RHBDD3: variants seen among roughly 807,000 people sequenced by gnomAD.
The protein encoded by RHBDD3 is rhomboid domain-containing protein 3.
In RHBDD3, 34 loss-of-function variants were observed where a neutral mutation model predicts 32.3. That is an observed-to-expected ratio of 1.05 (90% CI 0.80 to 1.40). The LOEUF (loss-of-function observed/expected upper bound fraction) is 1.40. RHBDD3 is among the 40% of genes most tolerant of loss of function. RHBDD3 has a pLI of 0.00. For synonymous variants in RHBDD3, 249 were observed against 239.1 expected, an observed-to-expected ratio of 1.04 and a Z score of -0.38; for missense variants, 482 against 492.6, an observed-to-expected ratio of 0.98 and a Z score of 0.20.
rs769281388 is a variant in RHBDD3, at chr22:29,265,594, G to C, written c.33C>G (p.Ser11=). 1.9e-6 allele frequency: 3 copies of C among 1,592,050 alleles called. No homozygotes were observed. Among genetic ancestry groups the C allele is most frequent in the South Asian group, 2.3e-5 (2 of 88,098 alleles). Residue 11 remains serine, a synonymous_variant, in exon 3 of 7, where the codon TCC becomes TCG. Transcript: ENST00000216085. The part of the protein sequence containing the change: MHARGPHGQL[S]PALPLASSVL... ...CTGAGGAGGCCAGAGGCAGTGCTGG[G>C]GACAGTTGGCCATGGGGGCCCCTGG... is the stretch of plus-strand genomic sequence containing the variant.
rs749277218 is a variant in RHBDD3 at position 29,260,553 on chromosome 22, G to C, written c.756C>G (p.Asp252Glu). Residue 252 changes from aspartate to glutamate, a missense_variant, in exon 6 of 7, where the codon GAC becomes GAG. By Grantham distance (45) the Asp-to-Glu change is conservative (BLOSUM62 2). Coordinates refer to ENST00000216085, the MANE Select transcript of RHBDD3 (RefSeq NM_012265.3). ...ASPDLWSHWE[D>E]SALPPPSLRP... is the part of the protein sequence containing the mutation. ...TCAGGCTTGGTGGGGGCAGGGCTGA[G>C]TCTTCCCAGTGGGACCAGAGGTCAG... 1 of 1,599,346 alleles carries C rather than the reference G, an allele frequency of 6.3e-7. No individual in the cohort carries two copies. Among genetic ancestry groups the C allele is most frequent in the South Asian group, 1.1e-5 (1 of 88,868 alleles).
chr22:29,264,565 C>G, intron 3 of RHBDD3: 3 of 978,574 alleles, frequency 3.1e-6, no homozygotes, highest in South Asian at 4.7e-5. Context: ...CATGAAATGG[C>G]CTGCTTCAAT....
Position 29,259,918 on chromosome 22 carries a change from T to G in RHBDD3, c.*142A>C. The G allele has an allele frequency of 3.8e-6, 3 of 785,766 alleles. No homozygotes were observed. Among genetic ancestry groups the G allele is most frequent in the Non-Finnish European group, 5.9e-6 (3 of 505,774 alleles). The allele number at this position is 785,766 out of a possible 1,614,324, so 48.7% of individuals were successfully genotyped here. A position where few individuals can be genotyped will look rare whatever the true frequency, so the allele number is the denominator to read the frequency against. The stretch of plus-strand genomic sequence containing the variant: ...ATTCTAAACACGTACTAGGGCAGCA[T>G]GCTGGGGGGCCTCTCCTGCCTCCAG... On this transcript the variant is annotated 3_prime_UTR_variant, in exon 7 of 7. Transcript: ENST00000216085.
In RHBDD3 at chr22:29,267,430, C is replaced by G. The variant is rs545783690; in HGVS notation, c.-47G>C. ...GCACCACCAGGCCCTGCCTACCTTACTGGGAAGCCGGGAGGGCAGAATGGA... is the reference window on the plus strand; with the variant it reads ...GCACCACCAGGCCCTGCCTACCTTAGTGGGAAGCCGGGAGGGCAGAATGGA... On this transcript the variant is annotated 5_prime_UTR_variant, in exon 2 of 7. Transcript: ENST00000216085. 12 of 152,986 alleles carry G rather than the reference C, an allele frequency of 7.8e-5. No individual in the cohort carries two copies. The highest frequency in any genetic ancestry group is 2.4e-4 in the African/African-American group (10 of 41,590). 9.5% of individuals were successfully genotyped at this position (152,986 alleles called of 1,614,324 possible).
intron 5 of RHBDD3, 25 bp downstream of exon 5, chr22:29,260,677 C>G (rs375086511): frequency 6.4e-7 from 1 of 1,552,484 alleles, no homozygotes; most frequent in Admixed American, 1.9e-5. Flanking sequence ...ACCACCTGGA[C>G]TGGCATCCCC....
chr22:29,263,358 T>C (rs2058141409), intron 4 of RHBDD3, among the ~76,000 whole-genome samples: 1 of 152,228 alleles, frequency 6.6e-6, no homozygotes, highest in South Asian at 2.1e-4. Flanking sequence ...TTTTTATTTT[T>C]AGTACAGATG....
rs1393117976 is a variant in RHBDD3 at position 29,267,849 on chromosome 22, G to A, written c.-296C>T. The stretch of plus-strand genomic sequence containing the variant: ...GACCCGAGAACCCTGAATCCATTCC[G>A]CGCACACCCGGCCGCGTGACCCCTG... On this transcript the variant is annotated 5_prime_UTR_variant, in exon 1 of 7. Transcript: ENST00000216085. The A allele has an allele frequency of 6.0e-5, 13 of 215,216 alleles. No homozygotes were observed. In the East Asian group the frequency reaches 9.3e-4, roughly 15 times the overall value. 13.3% of individuals were successfully genotyped at this position (215,216 alleles called of 1,614,324 possible).
chr22:29,263,896 T>C lies in RHBDD3; in HGVS notation c.471A>G (p.Pro157=). The C allele has an allele frequency of 6.5e-7, 1 of 1,548,902 alleles. No homozygotes were observed. The highest frequency in any genetic ancestry group is 1.2e-5 in the South Asian group (1 of 83,960). ...GGAAGGGTGGCTCAGAGCTGAGCAG[T>C]GGGGTCAGGGCAAGCAGCAGCCACG... ...LSPWLLLALT[P]LLSSEPPFLQ... is the part of the protein sequence containing the mutation. Residue 157 remains proline (P), a synonymous_variant, in exon 4 of 7, where the codon CCA becomes CCG. Coordinates refer to ENST00000216085, the MANE Select transcript of RHBDD3 (RefSeq NM_012265.3).
intron 3 of RHBDD3, chr22:29,265,278 C>T: frequency 4.6e-6 from 2 of 438,380 alleles, no homozygotes; most frequent in Non-Finnish European, 4.0e-6. Flanking sequence ...CCATAGGTTC[C>T]AGCCCACCCT....
At position 29,267,889 on chromosome 22, in the gene RHBDD3, C is replaced by A; in HGVS notation, c.-336G>T. On this transcript the variant is annotated 5_prime_UTR_variant, in exon 1 of 7. Coordinates refer to ENST00000216085, the MANE Select transcript of RHBDD3 (RefSeq NM_012265.3). ...CGTGACCCCTGCCGACCGGCTGGCG[C>A]GCCACCCATTCCCCGCGGCCCGCGG... 1 of 231,692 alleles carries A rather than the reference C, an allele frequency of 4.3e-6. No homozygotes were observed. The highest frequency in any genetic ancestry group is 8.7e-6 in the Non-Finnish European group (1 of 115,126). 14.4% of individuals were successfully genotyped at this position (231,692 alleles called of 1,614,324 possible).
At chr22:29,264,304 A>C in intron 3 of RHBDD3, 86 bp from the exon 4 acceptor site, 1 of 1,438,306 alleles carries the variant, frequency 7.0e-7, no homozygotes, top group Non-Finnish European at 9.2e-7. Context: ...AGGTTACGCT[A>C]CACCAGGGCC....
chr22:29,263,779 C>A, intron 4 of RHBDD3, 56 bp downstream of exon 4: 2 of 1,461,460 alleles, frequency 1.4e-6, no homozygotes, highest in South Asian at 1.4e-5. Flanking sequence ...CCTTCCCAGG[C>A]ACCCACCCAC....
chr22:29,260,530 A>C lies in RHBDD3; in HGVS notation c.779T>G (p.Leu260Arg), dbSNP rs765663204. 9 of 1,598,022 alleles carry C rather than the reference A, an allele frequency of 5.6e-6. No individual in the cohort carries two copies. The African/African-American group carries it at 1.2e-4, about 21-fold the overall frequency. Reference protein sequence around the residue: ...WEDSALPPPSLRPVQPTWEGS... With the variant: ...WEDSALPPPSRRPVQPTWEGS... ...CTCCCAGGTGGGCTGCACAGGCCTC[A>C]GGCTTGGTGGGGGCAGGGCTGAGTC... Residue 260 changes from leucine (L) to arginine (R), a missense_variant, in exon 6 of 7, where the codon CTG becomes CGG. By Grantham distance (102) the Leu-to-Arg change is moderately radical (BLOSUM62 -2). Transcript: ENST00000216085.
chr22:29,265,463 C>T lies in RHBDD3; in HGVS notation c.148+16G>A, dbSNP rs776008610. On this transcript the variant is annotated intron_variant, in intron 3 of 6. Transcript: ENST00000216085. ...AGTCTCCTGCTTCCTCCAAGGTCCA[C>T]GTGGCTGGCCCTCACCCTGCCAGGG... The T allele has an allele frequency of 8.0e-6, 12 of 1,506,614 alleles. 1 individual carries two copies. In the Admixed American group the frequency reaches 9.9e-5, roughly 12 times the overall value. 93.3% of individuals were successfully genotyped at this position (1,506,614 alleles called of 1,614,324 possible).
Position 29,260,341 on chromosome 22 carries a change from G to C in RHBDD3, c.968C>G (p.Ser323Cys), listed in dbSNP as rs540862434. The C allele has an allele frequency of 4.4e-5, 71 of 1,609,556 alleles. No homozygotes were observed. The highest frequency in any genetic ancestry group is 1.7e-4 in the Middle Eastern group (1 of 6,050). ...PQSAPWLSKS[S>C]VSSLRLQQLE... is the part of the protein sequence containing the mutation. ...CCCACCTTACCGCAGAGAGGAGACA[G>C]AGGACTTGGACAGCCATGGTGCGCT... The change falls in exon 6 of 7, where the codon TCT (serine) becomes TGT (cysteine). Residue 323 changes from serine to cysteine, a missense_variant. By Grantham distance (112) the Ser-to-Cys change is moderately radical. Transcript: ENST00000216085.
intron 2 of RHBDD3, 46 bp from the exon 3 acceptor site, chr22:29,265,714 TC>T: frequency 6.8e-7 from 1 of 1,471,324 alleles, no homozygotes; most frequent in Middle Eastern, 2.2e-4. Context: ...GGAGCTTTTA[TC>T]TCACCAATAC....
Position 29,263,987 on chromosome 22 carries a change from G to A in RHBDD3, c.380C>T (p.Ala127Val). The A allele has an allele frequency of 1.9e-6, 3 of 1,551,926 alleles. No individual in the cohort carries two copies. The highest frequency in any genetic ancestry group is 1.7e-6 in the Non-Finnish European group (2 of 1,147,706). ...GCGGTGTCCCTCCCCAGCCAGCATG[G>A]CCAGGTGGACAGGCATGTATCCACA... ...GSCGYMPVHL[A>V]MLAGEGHRPR... The change falls in exon 4 of 7, where the codon GCC (alanine) becomes GTC (valine). Residue 127 changes from alanine to valine, a missense_variant. Transcript: ENST00000216085.
chr22:29,264,840 C>T (rs556578577), intron 3 of RHBDD3, among the ~76,000 whole-genome samples: 1 of 152,148 alleles, frequency 6.6e-6, no homozygotes, highest in African/African-American at 2.4e-5. Context: ...TGCAGTGGCG[C>T]GATCTTGGCT....
At position 29,260,505 on chromosome 22, in the gene RHBDD3, C is replaced by T. The variant is rs957893763; in HGVS notation, c.804G>A (p.Glu268=). ...PSLRPVQPTW[E]GSSEAGLDWA... ...AGTCCAGGCCTGCCTCTGAGGAGCC[C>T]TCCCAGGTGGGCTGCACAGGCCTCA... is the stretch of plus-strand genomic sequence containing the variant. The change falls in exon 6 of 7, where the codon GAG becomes GAA. Residue 268 remains glutamate (E), a synonymous_variant. Coordinates refer to ENST00000216085, the MANE Select transcript of RHBDD3 (RefSeq NM_012265.3). The T allele has an allele frequency of 1.0e-5, 16 of 1,600,330 alleles. No homozygotes were observed. The highest frequency in any genetic ancestry group is 1.2e-5 in the Non-Finnish European group (14 of 1,175,542).
Sources: allele counts gnomAD v4.1 joint callset (sites outside exome capture counted in the v4.1 genomes callset), GRCh38; gene constraint gnomAD v4.1.1; transcripts MANE v1.5; gene names NCBI Gene and HGNC (gene_info 2026-07-23, HGNC 2026-07-21).